The following NFX1 variants were observed in gnomAD, a reference collection of about 807,000 sequenced individuals.
NFX1 encodes nuclear transcription factor, X-box binding 1, also known as transcriptional repressor NF-X1.
Under a neutral mutation model 137.2 loss-of-function variants are expected in NFX1, and 69 were observed. That is an observed-to-expected ratio of 0.50 (90% CI 0.41 to 0.61). The LOEUF is 0.61. Among genes scored for constraint, NFX1 ranks in the 20% least tolerant of loss-of-function variants. The pLI, the probability that NFX1 is intolerant of heterozygous loss-of-function variation, is 0.00. For missense variants in NFX1, 1,167 were observed against 1,391.0 expected, an observed-to-expected ratio of 0.84 and a Z score of 2.56; for synonymous variants, 495 against 474.1, an observed-to-expected ratio of 1.04 and a Z score of -0.57.
chr9:33,326,690 G>A (rs1822602529), intron 9 of NFX1, among the ~76,000 whole-genome samples: 1 of 152,172 alleles, frequency 6.6e-6, no homozygotes, highest in Non-Finnish European at 1.5e-5. Context: ...CTGCATTCCA[G>A]CCTGAGTGAC....
chr9:33,313,850 A>G, intron 7 of NFX1, 57 bp downstream of exon 7: 1 of 1,558,254 alleles, frequency 6.4e-7, no homozygotes, highest in South Asian at 1.1e-5. Flanking sequence ...AACCTTATTA[A>G]TGATTGTCTT....
intron 9 of NFX1, among the ~76,000 whole-genome samples, chr9:33,326,744 T>C (rs1822605480): frequency 6.6e-6 from 1 of 152,110 alleles, no homozygotes; most frequent in African/African-American, 2.4e-5. Context: ...GCTATAAATA[T>C]ATATATTTGT....
chr9:33,368,906 C>T (rs1222951308), intron 23 of NFX1, among the ~76,000 whole-genome samples: 1 of 152,092 alleles, frequency 6.6e-6, no homozygotes, highest in South Asian at 2.1e-4. Flanking sequence ...TCCTGGGAGC[C>T]AGGTGTCCTA....
Position 33,323,968 on chromosome 9 carries a change from T to TA in NFX1, c.1907-4612dup, listed in dbSNP as rs138490530. Reference sequence around the variant, plus strand: ...GAAATGCAAAATTCATTAGGCTGGGTACCGTGGCTTATGCCTGAATCTCAG... The same window carrying TA: ...GAAATGCAAAATTCATTAGGCTGGGTAACCGTGGCTTATGCCTGAATCTCAG... On this transcript the variant is annotated intron_variant, in intron 9 of 23. Coordinates refer to ENST00000379540, the MANE Select transcript of NFX1 (RefSeq NM_002504.6). 3.8e-3 allele frequency among the ~76,000 whole-genome samples: 582 copies of TA among 152,254 alleles called. 7 individuals are homozygous for TA. The highest frequency in any genetic ancestry group is 5.6e-3 in the Non-Finnish European group (379 of 68,016).
chr9:33,309,301 G>A (rs1821876280), intron 5 of NFX1, among the ~76,000 whole-genome samples: 1 of 151,742 alleles, frequency 6.6e-6, no homozygotes, highest in East Asian at 1.9e-4. Context: ...AGGTTGCAGT[G>A]AGCCGAGATC....
chr9:33,351,293 TA>T (rs927461225), intron 15 of NFX1, among the ~76,000 whole-genome samples: 9 of 150,768 alleles, frequency 6.0e-5, no homozygotes, highest in Non-Finnish European at 8.9e-5. Flanking sequence ...CCCCATCTCT[TA>T]AAAAAAAATT....
At chr9:33,292,639 C>CT (rs1190687631) in intron 1 of NFX1, among the ~76,000 whole-genome samples, 2 of 152,200 alleles carry the variant, frequency 1.3e-5, no homozygotes, top group Admixed American at 6.5e-5. Flanking sequence ...CCTCATGTCT[C>CT]TTATGGGTTT....
At chr9:33,309,288 C>T (rs1255339637) in intron 5 of NFX1, among the ~76,000 whole-genome samples, 1 of 151,312 alleles carries the variant, frequency 6.6e-6, no homozygotes, top group Non-Finnish European at 1.5e-5. Flanking sequence ...ACCCGGGAGG[C>T]GGAGGTTGCA....
At position 33,364,790 on chromosome 9, in the gene NFX1, T is replaced by A; in HGVS notation, c.3039+16T>A. The A allele has an allele frequency of 1.9e-6, 3 of 1,611,676 alleles. No individual in the cohort carries two copies. The highest frequency in any genetic ancestry group is 2.5e-6 in the Non-Finnish European group (3 of 1,179,312). On this transcript the variant is annotated intron_variant, in intron 21 of 23. Transcript: ENST00000379540. Reference sequence around the variant, plus strand: ...CGTGAATAAGGTTGAAGTCGAAACATCCCACTGGACATTTCTCTAAGGCCA... The same window carrying A: ...CGTGAATAAGGTTGAAGTCGAAACAACCCACTGGACATTTCTCTAAGGCCA...
intron 14 of NFX1, 142 bp downstream of exon 14, chr9:33,344,330 TG>T: frequency 2.5e-6 from 3 of 1,201,470 alleles, no homozygotes; most frequent in Non-Finnish European, 2.3e-6. Context: ...TCTCTGAAGG[TG>T]GGTCTGTGAT....
intron 22 of NFX1, among the ~76,000 whole-genome samples, 170 bp downstream of exon 22, chr9:33,366,944 G>A (rs150128615): frequency 5.0e-4 from 76 of 152,354 alleles, no homozygotes; most frequent in African/African-American, 1.7e-3. Context: ...CTGAGCCAAA[G>A]AGCAAAACCT....
intron 5 of NFX1, 21 bp downstream of exon 5, chr9:33,307,320 C>T (rs931854791): frequency 8.8e-6 from 14 of 1,593,646 alleles, no homozygotes; most frequent in African/African-American, 1.3e-5. Flanking sequence ...ATGCTAATTC[C>T]GTTGGGATTG....
At chr9:33,328,473 C>T (rs989827628) in intron 9 of NFX1, 108 bp from the exon 10 acceptor site, 2 of 727,334 alleles carry the variant, frequency 2.7e-6, no homozygotes, top group Middle Eastern at 2.4e-4. Flanking sequence ...AACTCTGATT[C>T]TGGAGTTGCA....
intron 19 of NFX1, among the ~76,000 whole-genome samples, chr9:33,356,290 C>T (rs139419866): frequency 6.6e-6 from 1 of 152,284 alleles, no homozygotes; most frequent in Non-Finnish European, 1.5e-5. Context: ...TTTGAAGTGC[C>T]TGTACAAGTC....
chr9:33,291,623 G>A (rs1031337232), intron 1 of NFX1, among the ~76,000 whole-genome samples: 2 of 152,210 alleles, frequency 1.3e-5, no homozygotes, highest in Non-Finnish European at 2.9e-5. Context: ...AAAAGTTAGG[G>A]CCGGGCGTGG....
In NFX1 at chr9:33,351,722, T is replaced by C. The variant is rs1458177289; in HGVS notation, c.2587T>C (p.Cys863Arg). 6.2e-7 allele frequency: 1 copy of C among 1,613,616 alleles called. No individual in the cohort carries two copies. The highest frequency in any genetic ancestry group is 1.3e-5 in the African/African-American group (1 of 74,938). The part of the protein sequence containing the change: ...KQPCTTPRAD[C>R]GHPCMAPCHT... Reference sequence around the variant, plus strand: ...GCCCTGCACCACCCCCAGAGCTGACTGTGGTCACCCGTGTATGGCACCCTG... The same window carrying C: ...GCCCTGCACCACCCCCAGAGCTGACCGTGGTCACCCGTGTATGGCACCCTG... Residue 863 changes from cysteine to arginine, a missense_variant, in exon 16 of 24, where the codon TGT becomes CGT. Cys to Arg is a radical substitution (Grantham distance 180). Around this residue, in one of 3 missense-constraint regions of NFX1, gnomAD observed 488 missense variants for 691.5 expected, o/e 0.71. Transcript: ENST00000379540.
intron 18 of NFX1, 146 bp from the exon 19 acceptor site, chr9:33,354,705 C>T (rs529895934): frequency 3.1e-6 from 2 of 651,094 alleles, no homozygotes; most frequent in Admixed American, 3.3e-5. Flanking sequence ...GAGCAGGTGG[C>T]CTCACAGGCT....
chr9:33,329,284 G>C (rs1822711214), intron 10 of NFX1, among the ~76,000 whole-genome samples: 1 of 152,200 alleles, frequency 6.6e-6, no homozygotes, highest in African/African-American at 2.4e-5. Context: ...ACCCAGACCT[G>C]TGTGTTCAGT....
chr9:33,291,523 G>T (rs1056379151), intron 1 of NFX1, among the ~76,000 whole-genome samples: 1 of 152,310 alleles, frequency 6.6e-6, no homozygotes, highest in South Asian at 2.1e-4. Context: ...CTCTGTCCCT[G>T]ACCAGCCGTT....
Sources: allele counts gnomAD v4.1 joint callset (sites outside exome capture counted in the v4.1 genomes callset), GRCh38; gene constraint gnomAD v4.1.1; regional missense constraint gnomAD v4.1.1; transcripts MANE v1.5; gene names NCBI Gene and HGNC (gene_info 2026-07-23, HGNC 2026-07-21).